Variants in COL14A1 observed in about 807,000 individuals in gnomAD.
COL14A1 encodes collagen alpha-1(XIV) chain.
COL14A1 carries 136 observed loss-of-function variants against 230.3 expected under a neutral mutation model. The ratio of observed to expected loss-of-function variants is 0.59; its 90% CI spans 0.51 to 0.68. The LOEUF (loss-of-function observed/expected upper bound fraction) is 0.68. COL14A1 is among the 30% of genes least tolerant of loss of function. COL14A1 has a pLI of 0.00. For missense variants in COL14A1, 1,976 were observed against 2,215.8 expected (o/e 0.89, Z 2.17); for synonymous variants, 792 against 784.1 (o/e 1.01, Z -0.17).
chr8:120,296,108 G>T (rs945719067), intron 34 of COL14A1, among the ~76,000 whole-genome samples: 7 of 151,580 alleles, frequency 4.6e-5, no homozygotes, highest in Admixed American at 3.3e-4. Context: ...ATTTTTGTTT[G>T]TTTGTTTGCC....
rs1418407781 is a variant in COL14A1 at position 120,254,758 on chromosome 8, G to A, written c.2753-482G>A. 2.0e-5 allele frequency among the ~76,000 whole-genome samples: 3 copies of A among 149,076 alleles called. No individual in the cohort carries two copies. In the East Asian group the frequency reaches 5.9e-4, roughly 29 times the overall value. On this transcript the variant is annotated intron_variant, in intron 22 of 47. Transcript: ENST00000297848. ...CCAGCACTTTGGGAGGCTGAGGCAG[G>A]CAGGTGGCTTGAGCTCAGGAGTTTG...
intron 3 of COL14A1, among the ~76,000 whole-genome samples, chr8:120,159,097 G>A (rs934831856): frequency 6.6e-6 from 1 of 152,070 alleles, no homozygotes; most frequent in Admixed American, 6.5e-5. Context: ...CCCACCCCAT[G>A]GAGTTTTCTA....
intron 42 of COL14A1, among the ~76,000 whole-genome samples, chr8:120,340,046 A>G (rs1822235226): frequency 6.6e-6 from 1 of 151,370 alleles, no homozygotes; most frequent in African/African-American, 2.4e-5. Flanking sequence ...TCAAAAAAAA[A>G]AAAAAAAAAA....
At chr8:120,354,197 C>T (rs1463707198) in intron 45 of COL14A1, among the ~76,000 whole-genome samples, 1 of 107,730 alleles carries the variant, frequency 9.3e-6, no homozygotes, top group Non-Finnish European at 1.8e-5. Context: ...ACAATGAGAT[C>T]ACATGGACAC....
chr8:120,164,163 C>T (rs573325677), intron 4 of COL14A1, among the ~76,000 whole-genome samples: 5 of 152,230 alleles, frequency 3.3e-5, no homozygotes, highest in African/African-American at 9.6e-5. Context: ...GTATAATGAA[C>T]CCCTAAGTAG....
chr8:120,143,347 A>C (rs765721813), intron 1 of COL14A1, among the ~76,000 whole-genome samples: 4 of 152,204 alleles, frequency 2.6e-5, no homozygotes, highest in Admixed American at 6.5e-5. Flanking sequence ...GGCCGGGCAC[A>C]GTGGCTCACG....
intron 8 of COL14A1, among the ~76,000 whole-genome samples, chr8:120,203,397 A>G (rs958669391): frequency 6.6e-6 from 1 of 151,662 alleles, no homozygotes; most frequent in African/African-American, 2.4e-5. Context: ...CAAGCATATA[A>G]CAGCTTTCAT....
At chr8:120,356,388 G>A (rs1383607588) in intron 45 of COL14A1, among the ~76,000 whole-genome samples, 1 of 152,210 alleles carries the variant, frequency 6.6e-6, no homozygotes, top group Non-Finnish European at 1.5e-5. Flanking sequence ...GAATGCCTGT[G>A]CTTGCTGGCT....
chr8:120,320,984 C>T (rs1821418706), intron 40 of COL14A1, among the ~76,000 whole-genome samples: 1 of 152,208 alleles, frequency 6.6e-6, no homozygotes, highest in African/African-American at 2.4e-5. Context: ...CAATGCCACA[C>T]AGCTAGTAAG....
intron 2 of COL14A1, among the ~76,000 whole-genome samples, chr8:120,157,887 G>A (rs1157330067): frequency 6.6e-6 from 1 of 152,156 alleles, no homozygotes; most frequent in Non-Finnish European, 1.5e-5. Flanking sequence ...TCAGGAGGCT[G>A]AGGCAGAGAA....
At chr8:120,173,729 T>G (rs1253203393) in intron 5 of COL14A1, among the ~76,000 whole-genome samples, 1 of 152,028 alleles carries the variant, frequency 6.6e-6, no homozygotes, top group Non-Finnish European at 1.5e-5. Context: ...CTTTTGCCCA[T>G]ACCACAGGGT....
intron 34 of COL14A1, among the ~76,000 whole-genome samples, chr8:120,297,175 G>A (rs1194796772): frequency 6.6e-6 from 1 of 151,886 alleles, no homozygotes; most frequent in African/African-American, 2.4e-5. Flanking sequence ...ATGGAGTGTT[G>A]TGTGACTACA....
chr8:120,328,150 A>G (rs1821746578), intron 40 of COL14A1, among the ~76,000 whole-genome samples: 1 of 152,194 alleles, frequency 6.6e-6, no homozygotes, highest in African/African-American at 2.4e-5. Flanking sequence ...CTGCCCTCGA[A>G]AGAAGAAGAG....
chr8:120,373,017 A>C lies in COL14A1; in HGVS notation c.*1786A>C, dbSNP rs192221863. Among the ~76,000 whole-genome samples the C allele has an allele frequency of 3.9e-4, 59 of 152,308 alleles. No individual in the cohort carries two copies. The highest frequency in any genetic ancestry group is 9.8e-4 in the Admixed American group (15 of 15,302). On this transcript the variant is annotated 3_prime_UTR_variant, in exon 48 of 48. Coordinates refer to ENST00000297848, the MANE Select transcript of COL14A1 (RefSeq NM_021110.4). Reference sequence around the variant, plus strand: ...AGATGGCCTGACCCAGAGTCACCTAAGAGAACTCTTCCAACTTAAATGACT... The same window carrying C: ...AGATGGCCTGACCCAGAGTCACCTACGAGAACTCTTCCAACTTAAATGACT...
Position 120,225,164 on chromosome 8 carries a change from C to A in COL14A1, c.1814C>A (p.Ser605Tyr). 1 of 1,612,816 alleles carries A rather than the reference C, an allele frequency of 6.2e-7. No individual in the cohort carries two copies. The highest frequency in any genetic ancestry group is 8.5e-7 in the Non-Finnish European group (1 of 1,179,438). ...ACAGAGTATACTATTGCTATTTTCT[C>A]CATCTATGATGAAGGACAGTCAGAG... ...PLTEYTIAIF[S>Y]IYDEGQSEPL... Residue 605 changes from serine (S) to tyrosine (Y), a missense_variant, in exon 15 of 48, where the codon TCC (serine) becomes TAC (tyrosine). By Grantham distance (144) the Ser-to-Tyr change is moderately radical. Transcript: ENST00000297848.
At position 120,275,967 on chromosome 8, in the gene COL14A1, A is replaced by C. The variant is rs549986909; in HGVS notation, c.3214-2144A>C. 1.7e-3 allele frequency among the ~76,000 whole-genome samples: 259 copies of C among 152,016 alleles called. 2 individuals carry two copies. Among genetic ancestry groups the C allele is most frequent in the African/African-American group, 6.1e-3 (251 of 41,482 alleles). On this transcript the variant is annotated intron_variant, in intron 26 of 47. Transcript: ENST00000297848. ...AGTAGATTTACCTTTGGTTCCAGCA[A>C]TCCCAGTACTGGCTATCTACCCAAA...
chr8:120,192,710 C>A (rs139296387), intron 5 of COL14A1, among the ~76,000 whole-genome samples: 2 of 152,082 alleles, frequency 1.3e-5, no homozygotes, highest in South Asian at 4.1e-4. Context: ...GGTCTTTTCA[C>A]GTAGTCCCAT....
At chr8:120,151,446 C>A (rs1454381132) in intron 2 of COL14A1, among the ~76,000 whole-genome samples, 1 of 151,878 alleles carries the variant, frequency 6.6e-6, no homozygotes, top group Non-Finnish European at 1.5e-5. Flanking sequence ...TGAGACCAGT[C>A]TGGCCAATAT....
chr8:120,247,566 A>G lies in COL14A1; in HGVS notation c.2480-47A>G, dbSNP rs146130546. On this transcript the variant is annotated intron_variant, in intron 20 of 47. Transcript: ENST00000297848. ...GATGGCATCAGTGTAGGACATAAAG[A>G]AGGAAATTACACTGAATCCCTGTTT... 6 of 1,580,886 alleles carry G rather than the reference A, an allele frequency of 3.8e-6. No homozygotes were observed. The East Asian group carries it at 1.3e-4, about 36-fold the overall frequency.
Sources: allele counts gnomAD v4.1 joint callset (sites outside exome capture counted in the v4.1 genomes callset), GRCh38; gene constraint gnomAD v4.1.1; transcripts MANE v1.5; gene names NCBI Gene and HGNC (gene_info 2026-07-23, HGNC 2026-07-21).